Variants in TNFSF8 observed in about 807,000 individuals in gnomAD.
TNFSF8 encodes the protein tumor necrosis factor ligand superfamily member 8.
In TNFSF8, 4 loss-of-function variants were observed where a neutral mutation model predicts 22.0. That is an observed-to-expected ratio of 0.18 (90% CI 0.09 to 0.42). The LOEUF is 0.42. TNFSF8 is among the 10% of genes least tolerant of loss of function. The probability of loss-of-function intolerance (pLI) is 1.00; values close to 1 mark genes in which losing one functional copy is unlikely to be tolerated. For synonymous variants in TNFSF8, 106 were observed against 112.5 expected, an observed-to-expected ratio of 0.94 and a Z score of 0.37; for missense variants, 233 against 281.8, an observed-to-expected ratio of 0.83 and a Z score of 1.24.
At chr9:114,913,283 A>G (rs944140484) in intron 2 of TNFSF8, among the ~76,000 whole-genome samples, 9 of 152,120 alleles carry the variant, frequency 5.9e-5, no homozygotes, top group Non-Finnish European at 1.2e-4. Context: ...AGGCTACATT[A>G]CATTTGTAGG....
chr9:114,894,161 T>G (rs1216417000), exon 5 of TNFSF8: 1 of 1,534,200 alleles, frequency 6.5e-7, no homozygotes, highest in Non-Finnish European at 8.7e-7. Context: ...CATGCCACAG[T>G]AATCTGGAAG....
At position 114,930,140 on chromosome 9, in the gene TNFSF8, G is replaced by C. The variant is rs538902986; in HGVS notation, c.164C>G (p.Ala55Gly). ...CTGAACGACCAACACCATAATAGTG[G>C]CCACCGTGAAGACAAGGCACAGAGC... The part of the protein sequence containing the change: ...TLALCLVFTV[A>G]TIMVLVVQRT... The change falls in exon 1 of 4, where the codon GCC becomes GGC. Residue 55 changes from alanine to glycine, a missense_variant. Physicochemically the swap from Ala to Gly is moderately conservative, Grantham distance 60 (BLOSUM62 0). Coordinates refer to ENST00000223795, the MANE Select transcript of TNFSF8 (RefSeq NM_001244.4). 1 of 1,576,024 alleles carries C rather than the reference G, an allele frequency of 6.3e-7. No individual in the cohort carries two copies. Among genetic ancestry groups the C allele is most frequent in the African/African-American group, 1.4e-5 (1 of 72,564 alleles).
chr9:114,918,003 T>A, intron 2 of TNFSF8, 93 bp downstream of exon 2: 1 of 1,312,770 alleles, frequency 7.6e-7, no homozygotes, highest in Non-Finnish European at 1.1e-6. Flanking sequence ...GGTCATGTCA[T>A]AGAGTTGTTT....
intron 2 of TNFSF8, among the ~76,000 whole-genome samples, chr9:114,914,703 T>A (rs977756351): frequency 3.9e-5 from 6 of 152,118 alleles, no homozygotes; most frequent in African/African-American, 1.4e-4. Flanking sequence ...CAAAAATCAT[T>A]ATTAACTCTG....
downstream of TNFSF8, among the ~76,000 whole-genome samples, chr9:114,896,203 A>G (rs1338836342): frequency 6.6e-6 from 1 of 152,220 alleles, no homozygotes; most frequent in Non-Finnish European, 1.5e-5. Context: ...CTCTTGGATC[A>G]TATTAAAATG....
At chr9:114,898,194 A>G (rs187642251), downstream of TNFSF8, among the ~76,000 whole-genome samples, 19 of 151,878 alleles carry the variant, frequency 1.3e-4, no homozygotes, top group African/African-American at 4.6e-4. Flanking sequence ...AGTAGAGACA[A>G]GGTTTCACTA....
chr9:114,924,766 G>C (rs1222662821), intron 1 of TNFSF8, among the ~76,000 whole-genome samples: 1 of 152,130 alleles, frequency 6.6e-6, no homozygotes, highest in African/African-American at 2.4e-5. Context: ...CCTTTGCTCT[G>C]TGGCATTCTG....
At chr9:114,911,474 A>G (rs1054201382) in intron 2 of TNFSF8, among the ~76,000 whole-genome samples, 2 of 152,186 alleles carry the variant, frequency 1.3e-5, no homozygotes, top group Non-Finnish European at 2.9e-5. Context: ...CATTTCAACT[A>G]TTAGGTTGGT....
chr9:114,910,330 C>T (rs1827837556), intron 2 of TNFSF8, among the ~76,000 whole-genome samples: 1 of 152,120 alleles, frequency 6.6e-6, no homozygotes, highest in African/African-American at 2.4e-5. Flanking sequence ...TGAGATTTCA[C>T]AATATTAGAC....
At chr9:114,920,435 C>T (rs957439530) in intron 1 of TNFSF8, among the ~76,000 whole-genome samples, 28 of 152,260 alleles carry the variant, frequency 1.8e-4, no homozygotes, top group Non-Finnish European at 3.4e-4. Flanking sequence ...GTAGGAACTA[C>T]GTTAGTCACT....
At chr9:114,925,015 C>G (rs959629023) in intron 1 of TNFSF8, among the ~76,000 whole-genome samples, 1 of 152,158 alleles carries the variant, frequency 6.6e-6, no homozygotes, top group South Asian at 2.1e-4. Flanking sequence ...CAAATAACTT[C>G]TTCTTGTGCC....
At chr9:114,913,524 G>A (rs775959439) in intron 2 of TNFSF8, among the ~76,000 whole-genome samples, 6 of 152,188 alleles carry the variant, frequency 3.9e-5, no homozygotes, top group African/African-American at 1.4e-4. Flanking sequence ...GCTGGGGGCC[G>A]CAGGTGCCGA....
intron 1 of TNFSF8, among the ~76,000 whole-genome samples, chr9:114,929,042 G>C (rs1212197011): frequency 3.3e-5 from 5 of 152,144 alleles, no homozygotes; most frequent in Non-Finnish European, 7.3e-5. Flanking sequence ...ATGTGGGTGG[G>C]TGCAGCTCTT....
downstream of TNFSF8, among the ~76,000 whole-genome samples, chr9:114,896,193 C>T (rs1296975125): frequency 6.6e-6 from 1 of 152,180 alleles, no homozygotes; most frequent in Non-Finnish European, 1.5e-5. Context: ...GCACCTGAAT[C>T]TCTTGGATCA....
chr9:114,917,910 T>A (rs1827940088), intron 2 of TNFSF8, among the ~76,000 whole-genome samples, 186 bp downstream of exon 2: 1 of 152,106 alleles, frequency 6.6e-6, no homozygotes, highest in Admixed American at 6.5e-5. Context: ...TGGGGATGAG[T>A]TCAGGAGCTG....
chr9:114,894,832 G>A (rs1042366617), intron 4 of TNFSF8, among the ~76,000 whole-genome samples: 4 of 152,222 alleles, frequency 2.6e-5, no homozygotes, highest in Non-Finnish European at 5.9e-5. Flanking sequence ...GACTGTGTGA[G>A]TGTATGAATG....
At chr9:114,928,861 A>C (rs886372768) in intron 1 of TNFSF8, among the ~76,000 whole-genome samples, 1 of 152,216 alleles carries the variant, frequency 6.6e-6, no homozygotes, top group African/African-American at 2.4e-5. Context: ...ACACTTGAGA[A>C]ATAGATATCA....
chr9:114,906,421 A>G (rs1010462738), intron 2 of TNFSF8, among the ~76,000 whole-genome samples: 13 of 152,350 alleles, frequency 8.5e-5, no homozygotes, highest in Admixed American at 7.2e-4. Context: ...CAGCTGGGTA[A>G]TATATCAGCT....
At chr9:114,929,373 T>C (rs1828106876) in intron 1 of TNFSF8, among the ~76,000 whole-genome samples, 4 of 151,220 alleles carry the variant, frequency 2.6e-5, no homozygotes, top group Non-Finnish European at 4.4e-5. Flanking sequence ...TTTTTTTTTT[T>C]GTGACGCCCT....
Sources: allele counts gnomAD v4.1 joint callset (sites outside exome capture counted in the v4.1 genomes callset), GRCh38; gene constraint gnomAD v4.1.1; transcripts MANE v1.5; gene names NCBI Gene and HGNC (gene_info 2026-07-23, HGNC 2026-07-21).